Variants in PTPRD observed in about 807,000 individuals in gnomAD.
PTPRD encodes the protein receptor-type tyrosine-protein phosphatase delta.
PTPRD carries 34 observed loss-of-function variants against 214.5 expected under a neutral mutation model. The ratio of observed to expected loss-of-function variants is 0.16; its 90% CI spans 0.12 to 0.21. The LOEUF (loss-of-function observed/expected upper bound fraction) is 0.21. PTPRD is among the 10% of genes least tolerant of loss of function. The probability of loss-of-function intolerance (pLI) is 1.00; values close to 1 mark genes in which losing one functional copy is unlikely to be tolerated. For missense variants in PTPRD, 2,545 were observed against 2,398.7 expected (o/e 1.06, Z -1.27); for synonymous variants, 1,128 against 845.7 (o/e 1.33, Z -5.79).
At chr9:8,472,218 G>A (rs2096666484) in intron 30 of PTPRD, among the ~76,000 whole-genome samples, 1 of 152,136 alleles carries the variant, frequency 6.6e-6, no homozygotes, top group Non-Finnish European at 1.5e-5. Flanking sequence ...GTGTCATAAA[G>A]TATTTTCTAA....
At chr9:9,231,609 A>T (rs953619587) in intron 9 of PTPRD, among the ~76,000 whole-genome samples, 2 of 152,166 alleles carry the variant, frequency 1.3e-5, no homozygotes, top group African/African-American at 4.8e-5. Context: ...AATTAGGTAT[A>T]TGCCAAAGTC....
At chr9:9,838,773 A>T (rs2057526778) in intron 5 of PTPRD, among the ~76,000 whole-genome samples, 2 of 152,162 alleles carry the variant, frequency 1.3e-5, no homozygotes, top group East Asian at 1.9e-4. Context: ...TAGTTTAATT[A>T]GATCCCATTT....
intron 8 of PTPRD, among the ~76,000 whole-genome samples, chr9:9,506,801 T>G (rs1739677261): frequency 6.6e-6 from 1 of 151,294 alleles, no homozygotes; most frequent in Non-Finnish European, 1.5e-5. Flanking sequence ...TAAAGGTATT[T>G]CTTAGTTGAG....
At chr9:9,139,827 A>G (rs949732480) in intron 10 of PTPRD, among the ~76,000 whole-genome samples, 1 of 152,222 alleles carries the variant, frequency 6.6e-6, no homozygotes, top group Non-Finnish European at 1.5e-5. Context: ...GTGGCTTTCT[A>G]TGAGGTTGTG....
At chr9:8,616,647 T>C (rs968797469) in intron 14 of PTPRD, among the ~76,000 whole-genome samples, 2 of 152,158 alleles carry the variant, frequency 1.3e-5, no homozygotes, top group East Asian at 1.9e-4. Context: ...TTTTCTCTCA[T>C]ATCTGCAATC....
chr9:10,447,079 T>G (rs570926053), intron 2 of PTPRD, among the ~76,000 whole-genome samples: 1 of 152,254 alleles, frequency 6.6e-6, no homozygotes, highest in East Asian at 1.9e-4. Context: ...GAGAGAAAAC[T>G]TTTGCCAACT....
At chr9:8,821,579 T>C (rs148542744) in intron 11 of PTPRD, among the ~76,000 whole-genome samples, 8 of 152,334 alleles carry the variant, frequency 5.3e-5, no homozygotes, top group Middle Eastern at 6.8e-3. Context: ...TCACCTCTTC[T>C]TTCCTCCACT....
chr9:10,120,026 A>C (rs1366736099), intron 3 of PTPRD, among the ~76,000 whole-genome samples: 1 of 152,072 alleles, frequency 6.6e-6, no homozygotes, highest in African/African-American at 2.4e-5. Flanking sequence ...ATAGAAACTT[A>C]GCTTTATGTA....
intron 9 of PTPRD, among the ~76,000 whole-genome samples, chr9:9,215,426 T>C (rs1471448183): frequency 6.6e-6 from 1 of 152,190 alleles, no homozygotes; most frequent in Non-Finnish European, 1.5e-5. Context: ...ACAGAATTGC[T>C]ATAAAAATCA....
chr9:8,396,409 C>T (rs1368313613), intron 36 of PTPRD, among the ~76,000 whole-genome samples: 1 of 152,100 alleles, frequency 6.6e-6, no homozygotes, highest in Admixed American at 6.6e-5. Flanking sequence ...AATCTGCTAC[C>T]TGTATCTATA....
At chr9:9,380,395 C>T (rs1397637639) in intron 9 of PTPRD, among the ~76,000 whole-genome samples, 1 of 151,924 alleles carries the variant, frequency 6.6e-6, no homozygotes, top group Non-Finnish European at 1.5e-5. Context: ...TTTGTGGGTA[C>T]ACAGTAGGTA....
intron 3 of PTPRD, among the ~76,000 whole-genome samples, chr9:10,113,192 CATA>C (rs2098705571): frequency 6.6e-6 from 1 of 152,176 alleles, no homozygotes. Context: ...GCTATATATT[CATA>C]ATAACTAAAC....
chr9:10,550,994 G>A (rs892620804), intron 2 of PTPRD, among the ~76,000 whole-genome samples: 2 of 152,092 alleles, frequency 1.3e-5, no homozygotes, highest in African/African-American at 4.8e-5. Flanking sequence ...ACCAAAACCA[G>A]GTCTCCCTTA....
At chr9:9,118,425 T>A (rs2099814382) in intron 10 of PTPRD, among the ~76,000 whole-genome samples, 1 of 152,128 alleles carries the variant, frequency 6.6e-6, no homozygotes, top group Non-Finnish European at 1.5e-5. Flanking sequence ...AATTTCACAC[T>A]ACATGCACAG....
At chr9:9,718,507 C>G (rs574036941) in intron 7 of PTPRD, among the ~76,000 whole-genome samples, 2 of 152,296 alleles carry the variant, frequency 1.3e-5, no homozygotes, top group South Asian at 4.1e-4. Context: ...TGCTCCCAGG[C>G]ACAGCTGCAG....
intron 4 of PTPRD, among the ~76,000 whole-genome samples, chr9:9,963,639 G>A (rs1179084354): frequency 6.6e-6 from 1 of 152,142 alleles, no homozygotes; most frequent in East Asian, 1.9e-4. Flanking sequence ...TGGGTAGGTA[G>A]AGACAGTTGA....
At chr9:8,325,910 C>G (rs927308441) in intron 44 of PTPRD, among the ~76,000 whole-genome samples, 1 of 152,106 alleles carries the variant, frequency 6.6e-6, no homozygotes, top group African/African-American at 2.4e-5. Context: ...GATTTTTGCA[C>G]ATTGATTTTG....
At chr9:8,584,423 T>C (rs2093463460) in intron 14 of PTPRD, among the ~76,000 whole-genome samples, 1 of 151,666 alleles carries the variant, frequency 6.6e-6, no homozygotes, top group African/African-American at 2.4e-5. Flanking sequence ...GTAGTACATA[T>C]TGGTATTGGT....
intron 9 of PTPRD, among the ~76,000 whole-genome samples, chr9:9,314,935 T>C (rs1229058214): frequency 6.6e-6 from 1 of 152,070 alleles, no homozygotes; most frequent in East Asian, 1.9e-4. Flanking sequence ...TACAGTAATT[T>C]ACTTTGTCAA....
Sources: allele counts gnomAD v4.1 joint callset (sites outside exome capture counted in the v4.1 genomes callset), GRCh38; gene constraint gnomAD v4.1.1; transcripts MANE v1.5; gene names NCBI Gene and HGNC (gene_info 2026-07-23, HGNC 2026-07-21).